The following DTNA variants were observed in gnomAD, a reference collection of about 807,000 sequenced individuals.
The protein encoded by DTNA is dystrobrevin alpha, also known as dystrophin-related protein 3.
DTNA carries 43 observed loss-of-function variants against 100.7 expected under a neutral mutation model. The ratio of observed to expected loss-of-function variants is 0.43; its 90% CI spans 0.33 to 0.55. The LOEUF (loss-of-function observed/expected upper bound fraction) is 0.55. DTNA is among the 20% of genes least tolerant of loss of function. The pLI is 0.04. For synonymous variants in DTNA, 349 were observed against 347.9 expected (o/e 1.00, Z -0.04); for missense variants, 798 against 953.9 (o/e 0.84, Z 2.15).
At chr18:34,872,511 G>T (rs1284325856) in intron 17 of DTNA, among the ~76,000 whole-genome samples, 2 of 152,204 alleles carry the variant, frequency 1.3e-5, no homozygotes, top group Admixed American at 1.3e-4. Flanking sequence ...ATATGATGCA[G>T]ATATCGTATC....
At chr18:34,811,062 C>A (rs2095476817) in intron 5 of DTNA, among the ~76,000 whole-genome samples, 1 of 152,162 alleles carries the variant, frequency 6.6e-6, no homozygotes, top group South Asian at 2.1e-4. Context: ...GTGGCACATT[C>A]ACAGCAGTTT....
intron 1 of DTNA, among the ~76,000 whole-genome samples, chr18:34,673,882 A>C (rs1185371766): frequency 6.6e-6 from 1 of 152,172 alleles, no homozygotes; most frequent in Admixed American, 6.6e-5. Flanking sequence ...ACTATCTTAT[A>C]CTTCTCAAAT....
chr18:34,630,019 T>C (rs1209543475), intron 1 of DTNA, among the ~76,000 whole-genome samples: 1 of 152,174 alleles, frequency 6.6e-6, no homozygotes, highest in Non-Finnish European at 1.5e-5. Flanking sequence ...CCCAAAGTGG[T>C]TTCCAGGCCA....
chr18:34,767,418 T>C (rs915095657), intron 3 of DTNA: 1 of 152,206 alleles, frequency 6.6e-6, no homozygotes, highest in Non-Finnish European at 1.5e-5. Context: ...AAAATGGGGC[T>C]GAAGTTTGGG....
intron 3 of DTNA, among the ~76,000 whole-genome samples, chr18:34,777,393 A>T (rs2061959): frequency 0.83 from 126,958 of 152,230 alleles, 53,240 homozygotes; most frequent in East Asian, 0.93. Flanking sequence ...ATACCACTGG[A>T]GGTCTACCTA....
chr18:34,604,139 G>A (rs1272898896), intron 1 of DTNA, among the ~76,000 whole-genome samples: 2 of 152,078 alleles, frequency 1.3e-5, no homozygotes, highest in South Asian at 2.1e-4. Flanking sequence ...TAGATATAAG[G>A]TTCACCCATA....
chr18:34,842,751 TC>T (rs1244673318), intron 13 of DTNA, among the ~76,000 whole-genome samples: 2 of 152,168 alleles, frequency 1.3e-5, no homozygotes, highest in African/African-American at 2.4e-5. Context: ...TAAAGACACC[TC>T]CCCCAGTAGG....
intron 20 of DTNA, among the ~76,000 whole-genome samples, chr18:34,881,437 C>CTTTTTT (rs752828928): frequency 0.011 from 586 of 51,388 alleles, 67 homozygotes; most frequent in African/African-American, 0.022. Context: ...AATTAAAATG[C>CTTTTTT]TTTTTTTTTT....
Position 34,671,834 on chromosome 18 carries a change from A to C in DTNA, c.-1-84142A>C, listed in dbSNP as rs534932209. ...CAGTTATACCAGATCACACTGTATC[A>C]GTCTCTTAGAAGTGTGCAGTGGGCT... On this transcript the variant is annotated intron_variant, in intron 1 of 19. Transcript: ENST00000283365. 2.6e-5 allele frequency among the ~76,000 whole-genome samples: 4 copies of C among 152,284 alleles called. No individual in the cohort carries two copies. The South Asian group carries it at 8.3e-4, about 32-fold the overall frequency.
At chr18:34,886,257 G>T (rs1169508756) in intron 22 of DTNA, among the ~76,000 whole-genome samples, 1 of 152,152 alleles carries the variant, frequency 6.6e-6, no homozygotes, top group Non-Finnish European at 1.5e-5. Context: ...TGGAGTAATT[G>T]CTATGATCAT....
At chr18:34,639,169 C>A (rs1308544650) in intron 1 of DTNA, among the ~76,000 whole-genome samples, 1 of 152,174 alleles carries the variant, frequency 6.6e-6, no homozygotes. Context: ...ACTACTGATA[C>A]ACCTTAGACC....
chr18:34,814,724 T>C (rs2095559266), intron 6 of DTNA, among the ~76,000 whole-genome samples: 1 of 151,548 alleles, frequency 6.6e-6, no homozygotes, highest in South Asian at 2.1e-4. Flanking sequence ...AAAGGACCTA[T>C]GTGTTCAAGA....
At chr18:34,817,883 T>G in intron 7 of DTNA, 1 of 1,161,002 alleles carries the variant, frequency 8.6e-7, no homozygotes, top group South Asian at 1.6e-5. Context: ...ATTCTTGTAA[T>G]GTGAGAGATG....
chr18:34,743,146 T>C (rs2147813788), intron 1 of DTNA, among the ~76,000 whole-genome samples: 1 of 152,338 alleles, frequency 6.6e-6, no homozygotes, highest in South Asian at 2.1e-4. Flanking sequence ...AAATAAGGGC[T>C]GCCTCTGTTT....
At chr18:34,581,621 GTTT>G (rs760995588) in intron 1 of DTNA, among the ~76,000 whole-genome samples, 2 of 110,368 alleles carry the variant, frequency 1.8e-5, no homozygotes, top group Non-Finnish European at 1.9e-5. Context: ...CCCCTAGTTA[GTTT>G]TTTTTTTTTT....
At chr18:34,506,555 C>T (rs758949155) in intron 1 of DTNA, among the ~76,000 whole-genome samples, 4 of 152,122 alleles carry the variant, frequency 2.6e-5, no homozygotes, top group African/African-American at 7.2e-5. Context: ...TACAATAGAG[C>T]AGTTATTGCC....
At position 34,602,831 on chromosome 18, in the gene DTNA, C is replaced by T. The variant is rs892340123; in HGVS notation, c.-2+109317C>T. On this transcript the variant is annotated intron_variant, in intron 1 of 19. Coordinates refer to the DTNA transcript ENST00000283365. Reference sequence around the variant, plus strand: ...ACAGCCTGGCCACATAGTGAAACCCCGTCTCTACTAAAAATAAAAAAATCA... The same window carrying T: ...ACAGCCTGGCCACATAGTGAAACCCTGTCTCTACTAAAAATAAAAAAATCA... Among the ~76,000 whole-genome samples the T allele has an allele frequency of 1.3e-5, 2 of 151,524 alleles. 1 individual carries two copies. The highest frequency in any genetic ancestry group is 4.2e-4 in the South Asian group (2 of 4,792).
chr18:34,758,782 C>T (rs1369104547), intron 2 of DTNA, among the ~76,000 whole-genome samples: 1 of 151,982 alleles, frequency 6.6e-6, no homozygotes, highest in Non-Finnish European at 1.5e-5. Flanking sequence ...GGTCAGAAGC[C>T]TAGAGCAAGG....
chr18:34,731,837 A>G (rs937980238), intron 1 of DTNA, among the ~76,000 whole-genome samples: 1 of 152,186 alleles, frequency 6.6e-6, no homozygotes, highest in Non-Finnish European at 1.5e-5. Context: ...AGAGTGTTAA[A>G]TGTGGAGAGT....
Sources: allele counts gnomAD v4.1 joint callset (sites outside exome capture counted in the v4.1 genomes callset), GRCh38; gene constraint gnomAD v4.1.1; transcripts MANE v1.5; gene names NCBI Gene and HGNC (gene_info 2026-07-23, HGNC 2026-07-21).